Variants in ITGB6 observed in about 807,000 individuals in gnomAD.
The protein encoded by ITGB6 is integrin beta-6.
A neutral mutation model predicts 84.5 loss-of-function variants in ITGB6; 80 were observed. That is an observed-to-expected ratio of 0.95 (90% CI 0.79 to 1.14). ITGB6 has a LOEUF of 1.14. Ranked by LOEUF, ITGB6 falls within the 50% of genes most tolerant of loss-of-function variation. The pLI is 0.00. For synonymous variants in ITGB6, 383 were observed against 354.9 expected (o/e 1.08, Z -0.89); for missense variants, 1,006 against 968.0 (o/e 1.04, Z -0.52).
chr2:160,129,627 A>C (rs1683380934), intron 10 of ITGB6, among the ~76,000 whole-genome samples: 1 of 152,208 alleles, frequency 6.6e-6, no homozygotes, highest in African/African-American at 2.4e-5. Flanking sequence ...ACTTTTACTG[A>C]AAACAAAGTA....
chr2:160,165,431 C>T (rs549545822), intron 7 of ITGB6, among the ~76,000 whole-genome samples: 83 of 152,300 alleles, frequency 5.4e-4, no homozygotes, highest in African/African-American at 1.9e-3. Context: ...CCAACAGGAA[C>T]ATTATAAAAC....
At chr2:160,191,382 C>G (rs764506677) in intron 4 of ITGB6, among the ~76,000 whole-genome samples, 2 of 152,124 alleles carry the variant, frequency 1.3e-5, no homozygotes, top group Non-Finnish European at 2.9e-5. Flanking sequence ...GGTCATGTAA[C>G]TAAGTGCCAG....
At chr2:160,151,258 G>T (rs1409473693) in intron 7 of ITGB6, among the ~76,000 whole-genome samples, 1 of 152,170 alleles carries the variant, frequency 6.6e-6, no homozygotes, top group Non-Finnish European at 1.5e-5. Flanking sequence ...TCATACCACA[G>T]TGCAATAAAA....
intron 4 of ITGB6, among the ~76,000 whole-genome samples, chr2:160,174,942 C>T (rs999689983): frequency 6.6e-6 from 1 of 152,332 alleles, no homozygotes; most frequent in Middle Eastern, 3.4e-3. Flanking sequence ...GTTAGAAATG[C>T]AAAATCTGAA....
At position 160,123,842 on chromosome 2, in the gene ITGB6, C is replaced by A; in HGVS notation, c.1930G>T (p.Glu644Ter). The A allele has an allele frequency of 1.9e-6, 3 of 1,614,084 alleles. No homozygotes were observed. The highest frequency in any genetic ancestry group is 2.5e-6 in the Non-Finnish European group (3 of 1,179,984). ...HLSAAGQAREECVDKCKLAGA... is the reference protein window; with the variant it reads ...HLSAAGQARE ...GCTAGTTTGCACTTGTCCACACATT[C>A]TTCTCGGGCTTGGCCAGCTGCTGAC... Residue 644 changes from glutamate to a stop codon, truncating the protein, a stop_gained, in exon 12 of 15, where the codon GAA becomes TAA. Coordinates refer to ENST00000283249, the MANE Select transcript of ITGB6 (RefSeq NM_000888.5). LOFTEE classifies it high-confidence loss of function.
intron 13 of ITGB6, 83 bp from the exon 14 acceptor site, chr2:160,107,928 T>G: frequency 2.5e-6 from 3 of 1,201,514 alleles, no homozygotes; most frequent in Non-Finnish European, 3.5e-6. Flanking sequence ...GATTTTCATC[T>G]ACATTTTCTG....
At chr2:160,132,500 A>G (rs1683508916) in intron 10 of ITGB6, among the ~76,000 whole-genome samples, 1 of 152,054 alleles carries the variant, frequency 6.6e-6, no homozygotes, top group Admixed American at 6.5e-5. Context: ...TCTTTTTTAT[A>G]TGTTCCTAAC....
At chr2:160,135,649 A>T (rs1258935058) in intron 10 of ITGB6, among the ~76,000 whole-genome samples, 1 of 151,478 alleles carries the variant, frequency 6.6e-6, no homozygotes, top group Non-Finnish European at 1.5e-5. Flanking sequence ...CCTGACTTCA[A>T]ACTATACTAC....
chr2:160,158,426 C>T (rs1684704678), intron 7 of ITGB6, among the ~76,000 whole-genome samples: 2 of 152,164 alleles, frequency 1.3e-5, no homozygotes, highest in South Asian at 4.1e-4. Context: ...CACAGAGAGG[C>T]ACTGGAGAAT....
intron 7 of ITGB6, among the ~76,000 whole-genome samples, chr2:160,155,494 T>C (rs1412844317): frequency 6.6e-6 from 1 of 152,212 alleles, no homozygotes; most frequent in Non-Finnish European, 1.5e-5. Flanking sequence ...TCATCATTTA[T>C]GACACATGTA....
At chr2:160,135,979 G>A (rs1222812530) in intron 10 of ITGB6, among the ~76,000 whole-genome samples, 48 of 152,128 alleles carry the variant, frequency 3.2e-4, no homozygotes, top group African/African-American at 1.1e-3. Context: ...AATGCCATTC[G>A]GGACATAGGC....
intron 10 of ITGB6, among the ~76,000 whole-genome samples, chr2:160,130,324 C>T (rs568313686): frequency 6.6e-6 from 1 of 151,934 alleles, no homozygotes; most frequent in East Asian, 1.9e-4. Flanking sequence ...TATATTCTCT[C>T]TCTATATATA....
rs770723219 is a variant in ITGB6, at chr2:160,112,144, A to C, written c.2037T>G (p.Leu679=). The C allele has an allele frequency of 6.2e-7, 1 of 1,612,240 alleles. No homozygotes were observed. Among genetic ancestry groups the C allele is most frequent in the Non-Finnish European group, 8.5e-7 (1 of 1,178,536 alleles). The change falls in exon 13 of 15, where the codon CTT becomes CTG. Residue 679 remains leucine, a synonymous_variant. Transcript: ENST00000283249. ...TATCTGTAGTTATTAGGAATGTAAT[A>C]AGACATTCATTTTCTCCTTGCAGAG... The part of the protein sequence containing the change: ...SCSLQGENEC[L]ITFLITTDNE...
At chr2:160,167,644 C>T (rs771510232) in intron 7 of ITGB6, among the ~76,000 whole-genome samples, 6 of 152,148 alleles carry the variant, frequency 3.9e-5, no homozygotes, top group Non-Finnish European at 7.3e-5. Flanking sequence ...TCCCTTGCAA[C>T]GGGGGAATCA....
chr2:160,101,809 G>A lies in ITGB6; in HGVS notation c.2294C>T (p.Ser765Phe). 1 of 1,593,536 alleles carries A rather than the reference G, an allele frequency of 6.3e-7. No individual in the cohort carries two copies. Residue 765 changes from serine to phenylalanine, a missense_variant, in exon 15 of 15, where the codon TCC becomes TTC. Coordinates refer to ENST00000283249, the MANE Select transcript of ITGB6 (RefSeq NM_000888.5). ...QTGTNPLYRG[S>F]TSTFKNVTYK... ...AGTTACATTTTTAAAAGTACTTGTG[G>A]ATCCTCTGTAGAGTGGATTGGTTCC...
chr2:160,107,602 AG>A, intron 14 of ITGB6, 76 bp downstream of exon 14: 1 of 1,337,144 alleles, frequency 7.5e-7, no homozygotes, highest in Non-Finnish European at 1.1e-6. Context: ...CCAGAGCAGA[AG>A]AAAGCTGAGC....
chr2:160,123,848 G>A lies in ITGB6; in HGVS notation c.1924C>T (p.Arg642Ter), dbSNP rs61737767. The A allele has an allele frequency of 1.9e-5, 31 of 1,613,814 alleles. No homozygotes were observed. The highest frequency in any genetic ancestry group is 2.7e-5 in the African/African-American group (2 of 74,906). Residue 642 changes from arginine (R) to a stop codon, truncating the protein, a stop_gained, in exon 12 of 15, where the codon CGA becomes TGA. Transcript: ENST00000283249. LOFTEE classifies it high-confidence loss of function. Reference protein sequence around the residue: ...ECHLSAAGQAREECVDKCKLA... With the variant: ...ECHLSAAGQA The stretch of plus-strand genomic sequence containing the variant: ...TTGCACTTGTCCACACATTCTTCTC[G>A]GGCTTGGCCAGCTGCTGACAGGTGG...
At chr2:160,137,173 G>C (rs1333100772) in intron 10 of ITGB6, among the ~76,000 whole-genome samples, 1 of 152,160 alleles carries the variant, frequency 6.6e-6, no homozygotes, top group Non-Finnish European at 1.5e-5. Flanking sequence ...GTGTCAACCA[G>C]AGAGAAGGCA....
intron 7 of ITGB6, among the ~76,000 whole-genome samples, chr2:160,159,226 GA>G (rs906512727): frequency 1.3e-5 from 2 of 150,458 alleles, no homozygotes; most frequent in Non-Finnish European, 3.0e-5. Context: ...AAAATAAAAA[GA>G]AAAAAACCAC....
Sources: gnomAD v4.1 joint callset for allele counts (sites outside exome capture counted in the v4.1 genomes callset) on GRCh38, gnomAD v4.1.1 for gene constraint, MANE v1.5 for transcripts, NCBI Gene and HGNC (gene_info 2026-07-23, HGNC 2026-07-21) for gene names.